FBXO34: variants seen among roughly 807,000 people sequenced by gnomAD.
FBXO34 encodes F-box protein 34.
In FBXO34, 12 loss-of-function variants were observed where a neutral mutation model predicts 24.5. The ratio of observed to expected loss-of-function variants is 0.49; its 90% CI spans 0.31 to 0.79. FBXO34 has a LOEUF of 0.79. Ranked by LOEUF, FBXO34 falls within the 30% of genes least tolerant of loss-of-function variation. The pLI is 0.04. For synonymous variants in FBXO34, 320 were observed against 311.9 expected (o/e 1.03, Z -0.27); for missense variants, 823 against 857.7 (o/e 0.96, Z 0.51).
the FBXO34 span, among the ~76,000 whole-genome samples, chr14:55,390,435 G>A: frequency 4.6e-5 from 7 of 151,004 alleles, no homozygotes; most frequent in Admixed American, 6.6e-5. Flanking sequence ...GTGCAGTGGC[G>A]CAATCTCAGC....
At chr14:55,397,465 A>G in the FBXO34 span, 1 of 1,562,358 alleles carries the variant, frequency 6.4e-7, no homozygotes, top group Non-Finnish European at 8.8e-7. Flanking sequence ...GTCTTATTTA[A>G]ATGGTCATTT....
the FBXO34 span, chr14:55,378,167 A>C: frequency 6.9e-6 from 7 of 1,011,314 alleles, no homozygotes; most frequent in South Asian, 1.0e-4. Flanking sequence ...TATAACACAT[A>C]CTCTGTGCCC....
intron 1 of FBXO34, among the ~76,000 whole-genome samples, chr14:55,317,943 A>G (rs1300556181): frequency 6.6e-6 from 1 of 152,220 alleles, no homozygotes; most frequent in African/African-American, 2.4e-5. Flanking sequence ...GAAAGGGAAT[A>G]TGGGAATTGG....
chr14:55,441,757 T>A, the FBXO34 span, among the ~76,000 whole-genome samples: 1 of 152,038 alleles, frequency 6.6e-6, no homozygotes, highest in East Asian at 1.9e-4. Context: ...ATAAACATAA[T>A]TGATACCTTT....
rs1566569899 is a variant in FBXO34 at position 55,352,444 on chromosome 14, A to G, written c.2054A>G (p.Asn685Ser). 4 of 1,614,194 alleles carry G rather than the reference A, an allele frequency of 2.5e-6. No individual in the cohort carries two copies. Among genetic ancestry groups the G allele is most frequent in the Non-Finnish European group, 3.4e-6 (4 of 1,180,010 alleles). Residue 685 changes from asparagine (N) to serine (S), a missense_variant, in exon 2 of 2, where the codon AAT (asparagine) becomes AGT (serine). Coordinates refer to ENST00000313833, the MANE Select transcript of FBXO34 (RefSeq NM_017943.4). ...FPGCKLGLHD[N>S]HWVPACHSFN... ...GGCTGTAAGCTGGGGCTTCATGACAATCACTGGGTTCCTGCCTGCCACAGC... is the reference window on the plus strand; with the variant it reads ...GGCTGTAAGCTGGGGCTTCATGACAGTCACTGGGTTCCTGCCTGCCACAGC...
At chr14:55,370,015 G>C (rs1291916592), downstream of FBXO34, 3 of 1,306,448 alleles carry the variant, frequency 2.3e-6, no homozygotes, top group Non-Finnish European at 2.1e-6. Context: ...TCACCTGAGG[G>C]GATGAGGGAC....
downstream of FBXO34, among the ~76,000 whole-genome samples, chr14:55,370,961 C>T (rs1884803533): frequency 6.6e-6 from 1 of 152,068 alleles, no homozygotes; most frequent in South Asian, 2.1e-4. Context: ...TTCTTTTTCC[C>T]CTCCCTTTCA....
At chr14:55,314,679 G>A (rs931898324) in intron 1 of FBXO34, among the ~76,000 whole-genome samples, 1 of 152,054 alleles carries the variant, frequency 6.6e-6, no homozygotes, top group Non-Finnish European at 1.5e-5. Flanking sequence ...TAGAAAAATT[G>A]GAGAATACAA....
At chr14:55,291,816 T>C (rs1187405913) in intron 1 of FBXO34, among the ~76,000 whole-genome samples, 1 of 151,194 alleles carries the variant, frequency 6.6e-6, no homozygotes, top group Non-Finnish European at 1.5e-5. Flanking sequence ...AGAAAAAAAA[T>C]AGCTGGGCAT....
chr14:55,380,690 T>A, the FBXO34 span: 1 of 1,591,234 alleles, frequency 6.3e-7, no homozygotes, highest in African/African-American at 1.3e-5. Context: ...CTGCTCCATG[T>A]CTGCAGTAAG....
the FBXO34 span, among the ~76,000 whole-genome samples, chr14:55,409,468 T>C: frequency 2.2e-4 from 34 of 151,974 alleles, no homozygotes; most frequent in Admixed American, 4.6e-4. Flanking sequence ...GTAAGTGTTA[T>C]GGAAAAGAAA....
At chr14:55,386,205 G>C in the FBXO34 span, 6 of 903,864 alleles carry the variant, frequency 6.6e-6, no homozygotes, top group Non-Finnish European at 1.0e-5. Context: ...TAAACTGAAA[G>C]CAAAACCTGA....
the FBXO34 span, chr14:55,436,499 C>A: frequency 7.3e-7 from 1 of 1,370,354 alleles, no homozygotes; most frequent in South Asian, 1.3e-5. Context: ...TAGTTGTCAT[C>A]GCATTCAGGA....
In FBXO34 at chr14:55,322,138, G is replaced by A. The variant is rs538944208; in HGVS notation, c.-10-28243G>A. The stretch of plus-strand genomic sequence containing the variant: ...GAGATCGAGACCACGGTGAAACCTC[G>A]TCTCTACTAAAAAAAGAAAAAATTA... On this transcript the variant is annotated intron_variant, in intron 1 of 1. Transcript: ENST00000313833. 2.0e-5 allele frequency among the ~76,000 whole-genome samples: 3 copies of A among 151,588 alleles called. No homozygotes were observed. In the East Asian group the frequency reaches 5.8e-4, roughly 30 times the overall value.
Position 55,319,273 on chromosome 14 carries a change from T to C in FBXO34, c.-10-31108T>C, listed in dbSNP as rs144499351. 3.9e-5 allele frequency among the ~76,000 whole-genome samples: 6 copies of C among 152,356 alleles called. No individual in the cohort carries two copies. In the East Asian group the frequency reaches 1.2e-3, roughly 29 times the overall value. ...TACCTGTTCAAGTTTCTTTTGACACTGTACCTATCATACAGTGTACATGTG... is the reference window on the plus strand; with the variant it reads ...TACCTGTTCAAGTTTCTTTTGACACCGTACCTATCATACAGTGTACATGTG... On this transcript the variant is annotated intron_variant, in intron 1 of 1. Transcript: ENST00000313833.
chr14:55,427,549 C>A, the FBXO34 span, among the ~76,000 whole-genome samples: 2 of 152,122 alleles, frequency 1.3e-5, no homozygotes, highest in Non-Finnish European at 2.9e-5. Context: ...GAAAGAACTT[C>A]AGTTCCAGCT....
intron 1 of FBXO34, among the ~76,000 whole-genome samples, chr14:55,300,129 T>G (rs1214568769): frequency 7.5e-6 from 1 of 133,818 alleles, no homozygotes. Flanking sequence ...AATTTGCATT[T>G]GTCTCAGATG....
At chr14:55,405,416 T>C in the FBXO34 span, among the ~76,000 whole-genome samples, 3 of 152,214 alleles carry the variant, frequency 2.0e-5, no homozygotes, top group East Asian at 5.8e-4. Context: ...TTCTAAAACT[T>C]GTCAGTGAAG....
Position 55,271,542 on chromosome 14 carries a change from G to A in FBXO34, c.-11+5G>A, listed in dbSNP as rs1414698163. On this transcript the variant is annotated splice_donor_5th_base_variant and intron_variant, in intron 1 of 1. Transcript: ENST00000313833. ...GCGGCCGGGGCAGGAGCGCAGGTGG[G>A]TCCGGGCCGAGGTGGGGCGTGGCGC... 1 of 150,282 alleles carries A rather than the reference G, an allele frequency of 6.7e-6. No homozygotes were observed. The highest frequency in any genetic ancestry group is 1.5e-5 in the Non-Finnish European group (1 of 67,494). 9.3% of individuals were successfully genotyped at this position (150,282 alleles called of 1,614,324 possible).
Sources: gnomAD v4.1 joint callset for allele counts (sites outside exome capture counted in the v4.1 genomes callset) on GRCh38, gnomAD v4.1.1 for gene constraint, MANE v1.5 for transcripts, NCBI Gene and HGNC (gene_info 2026-07-23, HGNC 2026-07-21) for gene names.